Variants in ROBO3 observed in about 807,000 individuals in gnomAD.
The protein encoded by ROBO3 is roundabout homolog 3.
Under a neutral mutation model 160.5 loss-of-function variants are expected in ROBO3, and 97 were observed. The ratio of observed to expected loss-of-function variants is 0.60; its 90% CI spans 0.51 to 0.72. ROBO3 has a LOEUF of 0.72. Ranked by LOEUF, ROBO3 falls within the 30% of genes least tolerant of loss-of-function variation. The pLI is 0.00. For missense variants in ROBO3, 1,858 were observed against 1,846.5 expected (o/e 1.01, Z -0.11); for synonymous variants, 780 against 746.2 (o/e 1.05, Z -0.74).
At position 124,879,848 on chromosome 11, in the gene ROBO3, G is replaced by A; in HGVS notation, c.3858G>A (p.Arg1286=). ...AGGCGAGCTGGGCCCTAGAGCTGAG[G>A]GCAGCAGGCAGCATGTCCTCCCTGG... ...EEEASWALEL[R]AAGSMSSLER... Residue 1286 remains arginine (R), a synonymous_variant, in exon 26 of 28, where the codon AGG becomes AGA. Transcript: ENST00000397801. 1 of 1,613,772 alleles carries A rather than the reference G, an allele frequency of 6.2e-7. No homozygotes were observed. Among genetic ancestry groups the A allele is most frequent in the Non-Finnish European group, 8.5e-7 (1 of 1,179,820 alleles).
In ROBO3 at chr11:124,875,648, T is replaced by A. The variant is rs1310075268; in HGVS notation, c.2384T>A (p.Leu795His). 1 of 1,609,276 alleles carries A rather than the reference T, an allele frequency of 6.2e-7. No homozygotes were observed. Among genetic ancestry groups the A allele is most frequent in the Non-Finnish European group, 8.5e-7 (1 of 1,178,056 alleles). The change falls in exon 15 of 28, where the codon CTC becomes CAC. Residue 795 changes from leucine to histidine, a missense_variant. Physicochemically the swap from Leu to His is moderately conservative, Grantham distance 99. Transcript: ENST00000397801. ...ATCACTGTGTCCTGGGAACCTCCAC[T>A]CCCCTCCCAGCAAAATGGGGTCATC... ...SSITVSWEPP[L>H]PSQQNGVITE...
In ROBO3 at chr11:124,878,606, C is replaced by T; in HGVS notation, c.3343C>T (p.Pro1115Ser). Residue 1115 changes from proline to serine, a missense_variant, in exon 23 of 28, where the codon CCG (proline) becomes TCG (serine). Transcript: ENST00000397801. The surrounding 1 kb of genome is among the most constrained non-coding windows in gnomAD (Gnocchi z 4.3). ...CAGCTCAGAGCCAGAGGAGTGGTGC[C>T]CGCCAATGCCTGAGAGAAGTCACCT... ...EGSSEPEEWC[P>S]PMPERSHLTE... 6.2e-7 allele frequency: 1 copy of T among 1,611,962 alleles called. No homozygotes were observed. The highest frequency in any genetic ancestry group is 8.5e-7 in the Non-Finnish European group (1 of 1,179,122).
Position 124,871,130 on chromosome 11 carries a change from G to T in ROBO3, c.1150G>T (p.Gly384Trp). ...ACCTGCCATCTTCTGGCAGAAGGAG[G>T]GGAGTCAGGTGGGTGGCCATCTCCA... ...PPPAIFWQKE[G>W]SQVLLFPSQS... Residue 384 changes from glycine to tryptophan, a missense_variant, in exon 7 of 28, where the codon GGG (glycine) becomes TGG (tryptophan). By Grantham distance (184) the Gly-to-Trp change is radical. Coordinates refer to ENST00000397801, the MANE Select transcript of ROBO3 (RefSeq NM_022370.4). 1 of 1,612,836 alleles carries T rather than the reference G, an allele frequency of 6.2e-7. No individual in the cohort carries two copies.
In ROBO3 at chr11:124,873,038, C is replaced by A. The variant is rs144055440; in HGVS notation, c.1485C>A (p.Asp495Glu). Residue 495 changes from aspartate to glutamate, a missense_variant, in exon 9 of 28, where the codon GAC becomes GAA. Physicochemically the swap from Asp to Glu is conservative, Grantham distance 45. Transcript: ENST00000397801. This position sits in a 1 kb window ranked among gnomAD's most constrained non-coding sequence, Gnocchi z 4.5. ...ATGGGCAGTGGCTGCAGGGGGATGA[C>A]CTCCAGTTCAAGACAATGGCCAACG... ...KKDGQWLQGD[D>E]LQFKTMANGT... 504 of 1,613,936 alleles carry A rather than the reference C, an allele frequency of 3.1e-4. 2 individuals carry two copies. In the East Asian group the frequency reaches 7.2e-3, roughly 23 times the overall value.
chr11:124,875,157 G>C lies in ROBO3; in HGVS notation c.2120G>C (p.Arg707Thr). 1.2e-6 allele frequency: 2 copies of C among 1,613,342 alleles called. No homozygotes were observed. The highest frequency in any genetic ancestry group is 1.7e-6 in the Non-Finnish European group (2 of 1,179,726). Reference protein sequence around the residue: ...QLVQGFRVSWRVAGPEGGSWT... With the variant: ...QLVQGFRVSWTVAGPEGGSWT... The stretch of plus-strand genomic sequence containing the variant: ...GTGCAAGGTTTCCGGGTGTCTTGGA[G>C]GGTAGCAGGCCCTGAGGGAGGAAGC... Residue 707 changes from arginine (R) to threonine (T), a missense_variant, in exon 14 of 28, where the codon AGG becomes ACG. By Grantham distance (71) the Arg-to-Thr change is moderately conservative (BLOSUM62 -1). Coordinates refer to ENST00000397801, the MANE Select transcript of ROBO3 (RefSeq NM_022370.4).
At chr11:124,868,582 G>A in intron 1 of ROBO3, 1 of 659,622 alleles carries the variant, frequency 1.5e-6, no homozygotes, top group Non-Finnish European at 2.8e-6. Context: ...TCTACTAACC[G>A]GCCTGTCTGT....
chr11:124,875,860 T>C, intron 15 of ROBO3, 94 bp from the exon 16 acceptor site: 1 of 1,472,536 alleles, frequency 6.8e-7, no homozygotes, highest in Non-Finnish European at 9.3e-7. Context: ...GAATTACATC[T>C]GTATAAGGCT....
Position 124,873,999 on chromosome 11 carries a change from G to A in ROBO3, c.1785-71G>A. 6.3e-7 allele frequency: 1 copy of A among 1,598,322 alleles called. No homozygotes were observed. The highest frequency in any genetic ancestry group is 8.6e-7 in the Non-Finnish European group (1 of 1,168,284). The stretch of plus-strand genomic sequence containing the variant: ...AAGACATAATGGTCGTTCATAGAGA[G>A]TGGATGAGATGGAGTAGGCAGGTTG... On this transcript the variant is annotated intron_variant, in intron 11 of 27. Coordinates refer to ENST00000397801, the MANE Select transcript of ROBO3 (RefSeq NM_022370.4). The surrounding 1 kb of genome is among the most constrained non-coding windows in gnomAD (Gnocchi z 4.5).
Position 124,873,137 on chromosome 11 carries a change from C to T in ROBO3, c.1536+48C>T. 1 of 1,566,600 alleles carries T rather than the reference C, an allele frequency of 6.4e-7. No individual in the cohort carries two copies. ...TAGTAGCTGAGAATGGCTATCTGCT[C>T]CACGTTCCTTACACAAGTAAGTACT... On this transcript the variant is annotated intron_variant, in intron 9 of 27. Transcript: ENST00000397801. This position sits in a 1 kb window ranked among gnomAD's most constrained non-coding sequence, Gnocchi z 4.5.
At chr11:124,877,216 C>A (rs200169604) in intron 18 of ROBO3, 32 bp downstream of exon 18, 13 of 1,613,770 alleles carry the variant, frequency 8.1e-6, no homozygotes, top group East Asian at 2.2e-5. Context: ...GGGGTTCAGA[C>A]CCCCCGGGAC....
In ROBO3 at chr11:124,876,499, A is replaced by G. The variant is rs531461999; in HGVS notation, c.2779+39A>G. On this transcript the variant is annotated intron_variant, in intron 17 of 27. Transcript: ENST00000397801. The surrounding 1 kb of genome is among the most constrained non-coding windows in gnomAD (Gnocchi z 5.3). ...CTCGGAGCGGACGGATCCGGGAGGG[A>G]GCCAGGCGGCCCATGGGGAGGGGCA... is the stretch of plus-strand genomic sequence containing the variant. 4.5e-5 allele frequency: 60 copies of G among 1,346,148 alleles called. No homozygotes were observed. The East Asian group carries it at 1.7e-3, about 39-fold the overall frequency. 83.4% of individuals were successfully genotyped at this position (1,346,148 alleles called of 1,614,324 possible).
rs1946547690 is a variant in ROBO3 at position 124,880,453 on chromosome 11, C to G, written c.3994C>G (p.Leu1332Val). Reference protein sequence around the residue: ...AWLPYSRPSFLSRGQGTSTCS... With the variant: ...AWLPYSRPSFVSRGQGTSTCS... ...GCTCCCATACAGCAGACCAAGCTTC[C>G]TGTCCCGGGGCCAGGGCACCAGCAC... Residue 1332 changes from leucine to valine, a missense_variant, in exon 27 of 28, where the codon CTG becomes GTG. Physicochemically the swap from Leu to Val is conservative, Grantham distance 32. Transcript: ENST00000397801. 1 of 1,612,374 alleles carries G rather than the reference C, an allele frequency of 6.2e-7. No individual in the cohort carries two copies. Among genetic ancestry groups the G allele is most frequent in the Non-Finnish European group, 8.5e-7 (1 of 1,179,334 alleles).
intron 25 of ROBO3, 36 bp from the exon 26 acceptor site, chr11:124,879,751 G>A (rs763646182): frequency 2.8e-5 from 45 of 1,608,200 alleles, no homozygotes; most frequent in Non-Finnish European, 3.5e-5. Flanking sequence ...TGACAGGAGT[G>A]GCAGGAGGCT....
chr11:124,873,178 C>A lies in ROBO3; in HGVS notation c.1536+89C>A. On this transcript the variant is annotated intron_variant, in intron 9 of 27. Transcript: ENST00000397801. The surrounding 1 kb of genome is among the most constrained non-coding windows in gnomAD (Gnocchi z 4.5). ...AGTAAGTACTCACTGGGCCTGTAGC[C>A]CCATCTTTACCCCTCTGTTCTCTCA... The A allele has an allele frequency of 7.0e-7, 1 of 1,436,040 alleles. No individual in the cohort carries two copies. The highest frequency in any genetic ancestry group is 9.6e-7 in the Non-Finnish European group (1 of 1,037,972). 89.0% of individuals were successfully genotyped at this position (1,436,040 alleles called of 1,614,324 possible). A position where few individuals can be genotyped will look rare whatever the true frequency, so the allele number is the denominator to read the frequency against.
chr11:124,866,930 AC>A (rs1946204851), intron 1 of ROBO3, among the ~76,000 whole-genome samples: 2 of 152,112 alleles, frequency 1.3e-5, no homozygotes, highest in African/African-American at 4.8e-5. Flanking sequence ...TCTCGCTGGC[AC>A]CCCGCAGAGT....
Position 124,878,887 on chromosome 11 carries a change from G to C in ROBO3, c.3533+91G>C. The stretch of plus-strand genomic sequence containing the variant: ...GGGTGGGTGGATGGATGGATGGGTG[G>C]ATGGATCTGGGGTACAGAGGTCTCA... On this transcript the variant is annotated intron_variant, in intron 23 of 27. Transcript: ENST00000397801. The surrounding 1 kb of genome is among the most constrained non-coding windows in gnomAD (Gnocchi z 4.3). 1.8e-6 allele frequency: 2 copies of C among 1,136,328 alleles called. No individual in the cohort carries two copies. Among genetic ancestry groups the C allele is most frequent in the South Asian group, 1.4e-5 (1 of 70,330 alleles). The allele number at this position is 1,136,328 out of a possible 1,614,324, so 70.4% of individuals were successfully genotyped here. A position where few individuals can be genotyped will look rare whatever the true frequency, so the allele number is the denominator to read the frequency against.
chr11:124,876,373 G>C lies in ROBO3; in HGVS notation c.2692G>C (p.Gly898Arg). The C allele has an allele frequency of 1.4e-6, 2 of 1,441,694 alleles. No homozygotes were observed. The highest frequency in any genetic ancestry group is 1.8e-6 in the Non-Finnish European group (2 of 1,105,644). 89.3% of individuals were successfully genotyped at this position (1,441,694 alleles called of 1,614,324 possible). A position where few individuals can be genotyped will look rare whatever the true frequency, so the allele number is the denominator to read the frequency against. The change falls in exon 17 of 28, where the codon GGC becomes CGC. Residue 898 changes from glycine to arginine, a missense_variant. By Grantham distance (125) the Gly-to-Arg change is moderately radical. Transcript: ENST00000397801. The surrounding 1 kb of genome is among the most constrained non-coding windows in gnomAD (Gnocchi z 5.3). ...GGAGCCCGCCTTCCTCGCGGGCAGC[G>C]GCGCAGCCTGCGGGGCGCTGCTTCT... Reference protein sequence around the residue: ...LREPAFLAGSGAACGALLLGL... With the variant: ...LREPAFLAGSRAACGALLLGL...
chr11:124,865,724 TC>T lies in ROBO3; in HGVS notation c.150del (p.Ser51LeufsTer7). ...LNHTLLPPGD[P>X]SLNGSRVGPE... ...ACCACACCCTGCTGCCTCCCGGCGA[TC>T]CCTCTCTCAACGGTGAGACCCTGCC... On this transcript the variant is annotated frameshift_variant, in exon 1 of 28. Coordinates refer to ENST00000397801, the MANE Select transcript of ROBO3 (RefSeq NM_022370.4). LOFTEE classifies it high-confidence loss of function. The surrounding 1 kb of genome is among the most constrained non-coding windows in gnomAD (Gnocchi z 5.5). 6.2e-7 allele frequency: 1 copy of T among 1,609,020 alleles called. No individual in the cohort carries two copies. The highest frequency in any genetic ancestry group is 8.5e-7 in the Non-Finnish European group (1 of 1,178,472).
At position 124,876,986 on chromosome 11, in the gene ROBO3, G is replaced by C; in HGVS notation, c.2780-175G>C. ...CACATAGGAATCACTTGAGGGGCTT[G>C]AGAAAAATACCGACACCTGAGTCCC... On this transcript the variant is annotated intron_variant, in intron 17 of 27. Coordinates refer to ENST00000397801, the MANE Select transcript of ROBO3 (RefSeq NM_022370.4). The surrounding 1 kb of genome is among the most constrained non-coding windows in gnomAD (Gnocchi z 5.3). 1.3e-6 allele frequency: 1 copy of C among 748,502 alleles called. No homozygotes were observed. Among genetic ancestry groups the C allele is most frequent in the South Asian group, 1.5e-5 (1 of 68,082 alleles). The allele number at this position is 748,502 out of a possible 1,614,324, so 46.4% of individuals were successfully genotyped here.
Sources: gnomAD v4.1 joint callset for allele counts (sites outside exome capture counted in the v4.1 genomes callset) on GRCh38, gnomAD v4.1.1 for gene constraint, Gnocchi (gnomAD v3.1) non-coding constraint, MANE v1.5 for transcripts, NCBI Gene and HGNC (gene_info 2026-07-23, HGNC 2026-07-21) for gene names.